LARGE1: variants seen among roughly 807,000 people sequenced by gnomAD.
The protein encoded by LARGE1 is xylosyl- and glucuronyltransferase LARGE1.
Under a neutral mutation model 87.6 loss-of-function variants are expected in LARGE1, and 43 were observed. That is an observed-to-expected ratio of 0.49 (90% CI 0.38 to 0.63). The LOEUF is 0.63. Ranked by LOEUF, LARGE1 falls within the 30% of genes least tolerant of loss-of-function variation. The pLI, the probability that LARGE1 is intolerant of heterozygous loss-of-function variation, is 0.00. For missense variants in LARGE1, 802 were observed against 1,000.2 expected (o/e 0.80, Z 2.67); for synonymous variants, 434 against 394.6 (o/e 1.10, Z -1.18).
chr22:33,721,362 G>T (rs760416080), intron 2 of LARGE1, among the ~76,000 whole-genome samples: 4 of 152,174 alleles, frequency 2.6e-5, no homozygotes, highest in Non-Finnish European at 5.9e-5. Flanking sequence ...GTTTCCACAG[G>T]TGTATTATGA....
intron 2 of LARGE1, among the ~76,000 whole-genome samples, chr22:33,685,159 G>C (rs1033198882): frequency 4.6e-5 from 7 of 152,198 alleles, no homozygotes; most frequent in Admixed American, 4.6e-4. Flanking sequence ...CCCTGGAGAT[G>C]AGAAGAGGGT....
At chr22:33,108,823 G>T in the LARGE1 span, among the ~76,000 whole-genome samples, 2 of 152,030 alleles carry the variant, frequency 1.3e-5, no homozygotes, top group South Asian at 4.2e-4. Flanking sequence ...AGCCCCTGAG[G>T]TGTCTACTAT....
At chr22:33,223,281 C>T (rs1925549519) in intron 11 of LARGE1, among the ~76,000 whole-genome samples, 1 of 152,088 alleles carries the variant, frequency 6.6e-6, no homozygotes, top group Non-Finnish European at 1.5e-5. Context: ...GAAAATGAGC[C>T]AAGAATTTGA....
intron 1 of LARGE1, among the ~76,000 whole-genome samples, chr22:33,917,398 T>G: frequency 6.6e-6 from 1 of 152,208 alleles, no homozygotes. Context: ...CATTAATGAT[T>G]TCATACTATT....
At chr22:33,831,924 G>A (rs568183260) in intron 1 of LARGE1, among the ~76,000 whole-genome samples, 2 of 152,290 alleles carry the variant, frequency 1.3e-5, no homozygotes, top group Non-Finnish European at 2.9e-5. Flanking sequence ...TTCTGGACAT[G>A]GGTAGTAACA....
the LARGE1 span, among the ~76,000 whole-genome samples, chr22:33,128,449 C>T: frequency 1.8e-4 from 28 of 152,108 alleles, 1 homozygote; most frequent in Admixed American, 1.2e-3. Flanking sequence ...CCGAGGCAGG[C>T]GGATCACCTG....
chr22:33,152,622 G>A, the LARGE1 span, among the ~76,000 whole-genome samples: 1 of 151,906 alleles, frequency 6.6e-6, no homozygotes, highest in African/African-American at 2.4e-5. Flanking sequence ...TACATAATAG[G>A]TGTATATATT....
intron 6 of LARGE1, among the ~76,000 whole-genome samples, chr22:33,545,721 G>C (rs768048490): frequency 7.2e-5 from 11 of 152,116 alleles, no homozygotes; most frequent in Non-Finnish European, 1.5e-4. Flanking sequence ...TTACAGGCAT[G>C]AGCCCCTGCG....
At chr22:33,211,866 G>C (rs538718876) in intron 11 of LARGE1, among the ~76,000 whole-genome samples, 3 of 152,296 alleles carry the variant, frequency 2.0e-5, no homozygotes, top group South Asian at 2.1e-4. Flanking sequence ...TGAGTGATCT[G>C]AATAAAGATC....
intron 11 of LARGE1, among the ~76,000 whole-genome samples, chr22:33,207,644 G>A (rs769694499): frequency 1.3e-4 from 20 of 152,150 alleles, no homozygotes; most frequent in East Asian, 3.9e-4. Flanking sequence ...GAGTGAGAGC[G>A]TCGGCGACCC....
At chr22:33,830,268 A>G (rs1438318949) in intron 1 of LARGE1, among the ~76,000 whole-genome samples, 2 of 152,184 alleles carry the variant, frequency 1.3e-5, no homozygotes, top group Admixed American at 6.5e-5. Flanking sequence ...GCAAATGCTG[A>G]CCACATTTGA....
At chr22:33,267,563 G>C (rs1244244396), downstream of LARGE1, among the ~76,000 whole-genome samples, 1 of 151,476 alleles carries the variant, frequency 6.6e-6, no homozygotes, top group East Asian at 1.9e-4. Flanking sequence ...CATCACTTAC[G>C]TAGGTTTTCC....
chr22:33,633,976 G>A (rs189714970), intron 3 of LARGE1, among the ~76,000 whole-genome samples: 7 of 152,326 alleles, frequency 4.6e-5, no homozygotes, highest in Non-Finnish European at 5.9e-5. Context: ...TCTTGGAAGA[G>A]TTATTTAGTG....
intron 11 of LARGE1, among the ~76,000 whole-genome samples, chr22:33,262,200 T>A (rs1022293010): frequency 1.3e-5 from 2 of 152,154 alleles, no homozygotes; most frequent in Admixed American, 6.5e-5. Context: ...TGTTCAGTGG[T>A]GAGTAGAGAC....
chr22:33,775,059 T>G (rs1044830200), intron 1 of LARGE1, among the ~76,000 whole-genome samples: 6 of 152,076 alleles, frequency 3.9e-5, no homozygotes, highest in African/African-American at 7.2e-5. Context: ...AAGAAAACAT[T>G]TATTGGGCAA....
At chr22:33,714,038 CAAAAT>C (rs1169173584) in intron 2 of LARGE1, among the ~76,000 whole-genome samples, 2 of 119,444 alleles carry the variant, frequency 1.7e-5, no homozygotes, top group African/African-American at 5.9e-5. Flanking sequence ...TAACATAAAA[CAAAAT>C]GAGTACCCAG....
intron 2 of LARGE1, among the ~76,000 whole-genome samples, chr22:33,742,761 C>G (rs1377240339): frequency 6.6e-6 from 1 of 152,194 alleles, no homozygotes; most frequent in Non-Finnish European, 1.5e-5. Context: ...AAAGGCATCC[C>G]TATCTTTCTT....
intron 7 of LARGE1, among the ~76,000 whole-genome samples, chr22:33,414,661 G>A (rs2066424466): frequency 6.6e-6 from 1 of 152,208 alleles, no homozygotes; most frequent in Non-Finnish European, 1.5e-5. Flanking sequence ...TTCCAGGCAT[G>A]TGCTCTGGTC....
intron 1 of LARGE1, among the ~76,000 whole-genome samples, chr22:33,804,897 T>C: frequency 6.6e-6 from 1 of 152,138 alleles, no homozygotes; most frequent in Admixed American, 6.5e-5. Context: ...CCAATCTGTA[T>C]CTCCCACCCT....
Sources: gnomAD v4.1 joint callset for allele counts (sites outside exome capture counted in the v4.1 genomes callset) on GRCh38, gnomAD v4.1.1 for gene constraint, MANE v1.5 for transcripts, NCBI Gene and HGNC (gene_info 2026-07-23, HGNC 2026-07-21) for gene names.